The following OGN variants were observed in gnomAD, a reference collection of about 807,000 sequenced individuals.
OGN encodes the protein osteoglycin, also known as mimecan.
OGN carries 19 observed loss-of-function variants against 30.8 expected under a neutral mutation model. The observed-to-expected ratio is 0.62, with a 90% CI of 0.43 to 0.90. The LOEUF is 0.90. Ranked by LOEUF, OGN falls within the 40% of genes least tolerant of loss-of-function variation. The probability of loss-of-function intolerance (pLI) is 0.00; values close to 1 mark genes in which losing one functional copy is unlikely to be tolerated. For synonymous variants in OGN, 126 were observed against 128.3 expected, an observed-to-expected ratio of 0.98 and a Z score of 0.12; for missense variants, 283 against 349.7, an observed-to-expected ratio of 0.81 and a Z score of 1.52.
intron 3 of OGN, among the ~76,000 whole-genome samples, chr9:92,399,969 C>G (rs1277501138): frequency 6.6e-6 from 1 of 151,950 alleles, no homozygotes; most frequent in Non-Finnish European, 1.5e-5. Context: ...TTTACTGTTT[C>G]CCTTGTTATT....
chr9:92,385,668 T>G lies in OGN; in HGVS notation c.849A>C (p.Pro283=), dbSNP rs754374602. ...ATCTTTTTAAGCAAATAAAACTGTT[T>G]GGATGCTTTCCCAGGACGATTGGAT... ...EGNPIVLGKH[P]NSFICLKRLP... The change falls in exon 7 of 7, where the codon CCA becomes CCC. Residue 283 remains proline, a synonymous_variant. Transcript: ENST00000375561. 2 of 1,614,076 alleles carry G rather than the reference T, an allele frequency of 1.2e-6. No individual in the cohort carries two copies. Among genetic ancestry groups the G allele is most frequent in the African/African-American group, 2.7e-5 (2 of 74,944 alleles).
intron 2 of OGN, 86 bp downstream of exon 2, chr9:92,403,148 C>T (rs1009469999): frequency 6.2e-5 from 51 of 820,084 alleles, no homozygotes; most frequent in South Asian, 5.8e-4. Context: ...TTCCCCTTAC[C>T]TTATCAGACA....
chr9:92,398,472 C>A (rs1842981491), intron 3 of OGN, among the ~76,000 whole-genome samples: 1 of 152,102 alleles, frequency 6.6e-6, no homozygotes, highest in African/African-American at 2.4e-5. Flanking sequence ...CAAGCAGATA[C>A]ATATATATTT....
intron 4 of OGN, among the ~76,000 whole-genome samples, chr9:92,390,588 G>GTGTGTGTGCA (rs57584166): frequency 7.7e-6 from 1 of 129,624 alleles, no homozygotes; most frequent in African/African-American, 2.7e-5. Context: ...GTGTGTGTGT[G>GTGTGTGTGCA]CGCGCGCGCG....
intron 5 of OGN, among the ~76,000 whole-genome samples, chr9:92,388,615 C>A (rs1473818362): frequency 6.6e-6 from 1 of 151,174 alleles, no homozygotes; most frequent in African/African-American, 2.4e-5. Context: ...CCAAAGTGGG[C>A]GGATCACCTG....
At chr9:92,385,858 T>C in intron 6 of OGN, 68 bp from the exon 7 acceptor site, 20 of 1,498,976 alleles carry the variant, frequency 1.3e-5, no homozygotes, top group Non-Finnish European at 1.8e-5. Flanking sequence ...ATATAATGGG[T>C]AAAGGAAACC....
intron 3 of OGN, among the ~76,000 whole-genome samples, chr9:92,395,632 G>A (rs1165613953): frequency 6.6e-6 from 1 of 152,312 alleles, no homozygotes; most frequent in East Asian, 1.9e-4. Context: ...CCTACCAGCA[G>A]CATATGAGAG....
intron 3 of OGN, among the ~76,000 whole-genome samples, chr9:92,397,992 C>T (rs1288675968): frequency 3.9e-5 from 6 of 152,136 alleles, no homozygotes; most frequent in African/African-American, 1.4e-4. Context: ...TAGCCTTCCA[C>T]CTTTCCGTAT....
At chr9:92,400,128 A>G (rs1271710881) in intron 3 of OGN, among the ~76,000 whole-genome samples, 1 of 152,056 alleles carries the variant, frequency 6.6e-6, no homozygotes, top group Admixed American at 6.6e-5. Context: ...TCCAAGAACA[A>G]GGGATGTCTT....
intron 4 of OGN, among the ~76,000 whole-genome samples, chr9:92,391,300 G>C (rs546651732): frequency 1.3e-5 from 2 of 152,116 alleles, no homozygotes; most frequent in African/African-American, 4.8e-5. Context: ...CCAGCTACTC[G>C]GGAAGCTGAG....
chr9:92,394,530 C>T (rs973772855), intron 3 of OGN, among the ~76,000 whole-genome samples: 12 of 150,806 alleles, frequency 8.0e-5, no homozygotes, highest in Admixed American at 2.0e-4. Flanking sequence ...GGATTACAGA[C>T]GTGAGCCATC....
At chr9:92,386,900 T>G (rs921793752) in intron 5 of OGN, among the ~76,000 whole-genome samples, 8 of 150,808 alleles carry the variant, frequency 5.3e-5, no homozygotes, top group Non-Finnish European at 1.0e-4. Context: ...TACAAAAAAT[T>G]AGACAGGCGT....
chr9:92,399,884 C>T (rs908758318), intron 3 of OGN, among the ~76,000 whole-genome samples: 2 of 152,102 alleles, frequency 1.3e-5, no homozygotes, highest in Non-Finnish European at 2.9e-5. Context: ...ACCAGTATCG[C>T]ACTTTTTAAA....
chr9:92,389,678 A>G, intron 5 of OGN, 176 bp downstream of exon 5: 1 of 529,156 alleles, frequency 1.9e-6, no homozygotes, highest in East Asian at 3.0e-5. Flanking sequence ...AGATATGGGT[A>G]TAAGCTAGGC....
chr9:92,387,370 C>G (rs1842477629), intron 5 of OGN, among the ~76,000 whole-genome samples: 3 of 149,480 alleles, frequency 2.0e-5, no homozygotes, highest in Admixed American at 1.3e-4. Context: ...AACGAGACTC[C>G]ATCTCAAGAA....
Position 92,393,066 on chromosome 9 carries a change from C to A in OGN, c.427+20G>T. ...TACTAATACGAGTTAATACTAATATCATATTTCAGCTTAACTTACGTATGT... is the reference window on the plus strand; with the variant it reads ...TACTAATACGAGTTAATACTAATATAATATTTCAGCTTAACTTACGTATGT... On this transcript the variant is annotated intron_variant, in intron 4 of 6. Coordinates refer to ENST00000375561, the MANE Select transcript of OGN (RefSeq NM_014057.5). 6.2e-7 allele frequency: 1 copy of A among 1,602,558 alleles called. No individual in the cohort carries two copies. The highest frequency in any genetic ancestry group is 1.1e-5 in the South Asian group (1 of 89,848).
chr9:92,403,682 A>G (rs1330945676), intron 1 of OGN, 200 bp from the exon 2 acceptor site: 4 of 1,017,828 alleles, frequency 3.9e-6, no homozygotes, highest in Non-Finnish European at 4.8e-6. Context: ...GAAATTCAAG[A>G]AAGATTGATA....
chr9:92,403,211 A>C (rs757513673), intron 2 of OGN, 23 bp downstream of exon 2: 351 of 1,488,692 alleles, frequency 2.4e-4, no homozygotes, highest in Non-Finnish European at 2.8e-4. Flanking sequence ...TTAGAAGCTA[A>C]ATTTAGAATA....
chr9:92,391,386 A>G (rs2398749), intron 4 of OGN, among the ~76,000 whole-genome samples: 135,622 of 152,084 alleles, frequency 0.89, 60,633 homozygotes, highest in East Asian at 0.95. Flanking sequence ...CAGCCTGGGC[A>G]ACAGAGTAAG....
Sources: allele counts gnomAD v4.1 joint callset (sites outside exome capture counted in the v4.1 genomes callset), GRCh38; gene constraint gnomAD v4.1.1; transcripts MANE v1.5; gene names NCBI Gene and HGNC (gene_info 2026-07-23, HGNC 2026-07-21).